CORIN: variants seen among roughly 807,000 people sequenced by gnomAD.
CORIN encodes atrial natriuretic peptide-converting enzyme.
In CORIN, 117 loss-of-function variants were observed where a neutral mutation model predicts 125.3. The ratio of observed to expected loss-of-function variants is 0.93; its 90% CI spans 0.80 to 1.09. The LOEUF is 1.09. Ranked by LOEUF, CORIN falls within the 50% of genes least tolerant of loss-of-function variation. The pLI is 0.00. For synonymous variants in CORIN, 450 were observed against 466.4 expected, an observed-to-expected ratio of 0.96 and a Z score of 0.45; for missense variants, 1,253 against 1,306.7, an observed-to-expected ratio of 0.96 and a Z score of 0.63.
intron 16 of CORIN, among the ~76,000 whole-genome samples, chr4:47,628,340 C>T (rs566979319): frequency 4.6e-5 from 7 of 151,704 alleles, no homozygotes; most frequent in Admixed American, 1.3e-4. Flanking sequence ...AAAAATTGTA[C>T]ATATTTAAGG....
chr4:47,613,044 G>T (rs1373271969), intron 19 of CORIN, among the ~76,000 whole-genome samples: 2 of 152,240 alleles, frequency 1.3e-5, no homozygotes, highest in Non-Finnish European at 2.9e-5. Flanking sequence ...TCTTAAAGCA[G>T]TCATGGCTCA....
At chr4:47,734,097 G>C (rs1410910607) in intron 5 of CORIN, among the ~76,000 whole-genome samples, 1 of 151,966 alleles carries the variant, frequency 6.6e-6, no homozygotes, top group Non-Finnish European at 1.5e-5. Context: ...ATGGAGCCTG[G>C]GGGACTGGAT....
intron 4 of CORIN, among the ~76,000 whole-genome samples, chr4:47,763,081 GA>G (rs1447611032): frequency 6.6e-6 from 1 of 152,100 alleles, no homozygotes; most frequent in Non-Finnish European, 1.5e-5. Flanking sequence ...GTCTCTTCAA[GA>G]AACTCTCTTA....
intron 10 of CORIN, among the ~76,000 whole-genome samples, chr4:47,668,013 C>G (rs1365955018): frequency 6.6e-6 from 1 of 152,166 alleles, no homozygotes; most frequent in East Asian, 1.9e-4. Context: ...ATCTCTCTCG[C>G]TCTCTTTTCA....
At chr4:47,644,354 G>T (rs1291760069) in intron 14 of CORIN, among the ~76,000 whole-genome samples, 1 of 152,132 alleles carries the variant, frequency 6.6e-6, no homozygotes, top group Non-Finnish European at 1.5e-5. Flanking sequence ...CACAGACAAA[G>T]TGCTAAACTG....
chr4:47,715,896 G>A (rs1286334638), intron 5 of CORIN, among the ~76,000 whole-genome samples: 1 of 152,198 alleles, frequency 6.6e-6, no homozygotes, highest in Non-Finnish European at 1.5e-5. Flanking sequence ...GGTTGGCAAA[G>A]GAATAGTGTT....
At chr4:47,600,449 T>C in intron 20 of CORIN, 102 bp from the exon 21 acceptor site, 1 of 736,366 alleles carries the variant, frequency 1.4e-6, no homozygotes, top group East Asian at 2.9e-5. Context: ...AATATAAATA[T>C]TTTTATACCA....
chr4:47,699,417 C>T (rs143829025), intron 5 of CORIN, among the ~76,000 whole-genome samples: 251 of 152,260 alleles, frequency 1.6e-3, no homozygotes, highest in African/African-American at 5.8e-3. Context: ...AAATTGCAGT[C>T]TTCTTTAAAA....
At chr4:47,653,441 G>T in intron 13 of CORIN, 112 bp downstream of exon 13, 2 of 794,684 alleles carry the variant, frequency 2.5e-6, no homozygotes, top group Non-Finnish European at 4.2e-6. Context: ...AAAGACATTA[G>T]CATTGAATCC....
chr4:47,678,597 T>G lies in CORIN; in HGVS notation c.1133-543A>C, dbSNP rs569592293. 9.2e-5 allele frequency among the ~76,000 whole-genome samples: 14 copies of G among 152,348 alleles called. No homozygotes were observed. The South Asian group carries it at 2.9e-3, about 32-fold the overall frequency. On this transcript the variant is annotated intron_variant, in intron 8 of 21. Coordinates refer to ENST00000273857, the MANE Select transcript of CORIN (RefSeq NM_006587.4). ...AGTATATGGGAAAGAACTTGCATAG[T>G]AACTAACACATAATAAACACTTTAT...
At chr4:47,647,746 G>C (rs909729163) in intron 13 of CORIN, among the ~76,000 whole-genome samples, 4 of 152,222 alleles carry the variant, frequency 2.6e-5, no homozygotes, top group African/African-American at 9.6e-5. Flanking sequence ...TCCTTTGTAA[G>C]ATGCGAACAT....
intron 1 of CORIN, among the ~76,000 whole-genome samples, chr4:47,815,463 A>G (rs1732224947): frequency 6.6e-6 from 1 of 152,090 alleles, no homozygotes; most frequent in Admixed American, 6.6e-5. Context: ...GCACTGTAGG[A>G]GGGTCATATT....
chr4:47,603,501 C>G lies in CORIN; in HGVS notation c.2708G>C (p.Ser903Thr). Reference protein sequence around the residue: ...ISIVELSEDISETGYVRPVCL... With the variant: ...ISIVELSEDITETGYVRPVCL... ...GACAGGCCGGACGTAGCCAGTCTCA[C>G]TGATGTCTTCACTCAGCTCAACGAT... is the stretch of plus-strand genomic sequence containing the variant. Residue 903 changes from serine to threonine, a missense_variant, in exon 20 of 22, where the codon AGT (serine) becomes ACT (threonine). Coordinates refer to ENST00000273857, the MANE Select transcript of CORIN (RefSeq NM_006587.4). 1 of 1,614,202 alleles carries G rather than the reference C, an allele frequency of 6.2e-7. No homozygotes were observed. The highest frequency in any genetic ancestry group is 1.6e-4 in the Middle Eastern group (1 of 6,062).
intron 4 of CORIN, among the ~76,000 whole-genome samples, chr4:47,758,300 C>G (rs180856309): frequency 3.9e-5 from 6 of 152,082 alleles, no homozygotes; most frequent in African/African-American, 1.2e-4. Flanking sequence ...GATCTCTACA[C>G]AAATAACTAT....
intron 1 of CORIN, among the ~76,000 whole-genome samples, chr4:47,825,114 G>C (rs750551876): frequency 5.9e-5 from 9 of 152,162 alleles, no homozygotes; most frequent in Non-Finnish European, 1.3e-4. Flanking sequence ...TCTGCTTCAG[G>C]CCTCAGGGTG....
intron 3 of CORIN, among the ~76,000 whole-genome samples, chr4:47,766,605 C>A (rs73238631): frequency 0.05 from 7,666 of 152,066 alleles, 278 homozygotes; most frequent in Non-Finnish European, 0.078. Context: ...CAACCAGAAA[C>A]CTTTGCCAGA....
intron 6 of CORIN, among the ~76,000 whole-genome samples, chr4:47,691,522 T>C (rs191185415): frequency 6.6e-6 from 1 of 152,308 alleles, no homozygotes; most frequent in Admixed American, 6.5e-5. Context: ...CGTGGCATAA[T>C]TGAAGTTCCA....
chr4:47,830,390 G>A (rs1357142267), intron 1 of CORIN, among the ~76,000 whole-genome samples: 1 of 152,124 alleles, frequency 6.6e-6, no homozygotes, highest in Non-Finnish European at 1.5e-5. Context: ...GAAACTAATG[G>A]CAGATTCCTT....
At chr4:47,735,580 A>G (rs1375177177) in intron 5 of CORIN, among the ~76,000 whole-genome samples, 3 of 152,188 alleles carry the variant, frequency 2.0e-5, no homozygotes, top group Non-Finnish European at 2.9e-5. Context: ...ATCCTCTGAT[A>G]TTAGAGAGCC....
Sources: gnomAD v4.1 joint callset for allele counts (sites outside exome capture counted in the v4.1 genomes callset) on GRCh38, gnomAD v4.1.1 for gene constraint, MANE v1.5 for transcripts, NCBI Gene and HGNC (gene_info 2026-07-23, HGNC 2026-07-21) for gene names.